The following RGMA variants were observed in gnomAD, a reference collection of about 807,000 sequenced individuals.
RGMA encodes repulsive guidance molecule A.
RGMA carries 10 observed loss-of-function variants against 23.2 expected under a neutral mutation model. The ratio of observed to expected loss-of-function variants is 0.43; its 90% CI spans 0.27 to 0.73. RGMA has a LOEUF of 0.73. Among genes scored for constraint, RGMA ranks in the 30% least tolerant of loss-of-function variants. The pLI is 0.20. For synonymous variants in RGMA, 308 were observed against 279.3 expected, an observed-to-expected ratio of 1.10 and a Z score of -1.03; for missense variants, 547 against 630.5, an observed-to-expected ratio of 0.87 and a Z score of 1.42.
intron 2 of RGMA, among the ~76,000 whole-genome samples, chr15:93,053,599 C>T (rs2054963886): frequency 6.6e-6 from 1 of 152,328 alleles, no homozygotes. Context: ...CACATAAAAC[C>T]AAGAACAGAC....
chr15:93,053,640 G>A (rs1340923405), intron 2 of RGMA, among the ~76,000 whole-genome samples: 1 of 152,232 alleles, frequency 6.6e-6, no homozygotes, highest in Non-Finnish European at 1.5e-5. Flanking sequence ...GCGAGCACGA[G>A]TGCCTACCTA....
At chr15:93,086,281 C>A (rs939826575) in intron 1 of RGMA, among the ~76,000 whole-genome samples, 2 of 152,182 alleles carry the variant, frequency 1.3e-5, no homozygotes, top group African/African-American at 4.8e-5. Context: ...AGTGTCATTT[C>A]GTTTCACAGA....
chr15:93,066,076 CG>C, intron 2 of RGMA: 4 of 1,518,716 alleles, frequency 2.6e-6, no homozygotes, highest in Non-Finnish European at 2.7e-6. Context: ...TGAGGGAGGC[CG>C]GGGGATGAAT....
In RGMA at chr15:93,042,793, G is replaced by A. The variant is rs1361159496; in HGVS notation, c.*2205C>T. On this transcript the variant is annotated 3_prime_UTR_variant, in exon 4 of 4. Coordinates refer to ENST00000329082, the MANE Select transcript of RGMA (RefSeq NM_020211.3). ...CTGCCAATAAACCTGGTCCCACAGT[G>A]ACGTGGACAGCAGCCTCCTGCAGCA... 1 of 152,258 alleles carries A rather than the reference G, an allele frequency of 6.6e-6. No homozygotes were observed. The highest frequency in any genetic ancestry group is 1.5e-5 in the Non-Finnish European group (1 of 68,084). 9.4% of individuals were successfully genotyped at this position (152,258 alleles called of 1,614,324 possible). A position where few individuals can be genotyped will look rare whatever the true frequency, so the allele number is the denominator to read the frequency against.
rs1176353050 is a variant in RGMA, at chr15:93,061,102, T to TCAGAAGA, written c.131-8596_131-8595insTCTTCTG. Among the ~76,000 whole-genome samples, 31 of 152,336 alleles carry TCAGAAGA rather than the reference T, an allele frequency of 2.0e-4. No individual in the cohort carries two copies. In the East Asian group the frequency reaches 6.0e-3, roughly 29 times the overall value. On this transcript the variant is annotated intron_variant, in intron 2 of 3. Coordinates refer to ENST00000329082, the MANE Select transcript of RGMA (RefSeq NM_020211.3). Reference sequence around the variant, plus strand: ...CACTTGCATGTCAGTCTTCTGAGGGTTGGGGACCCCCATCTTCGTCCTGGC... The same window carrying TCAGAAGA: ...CACTTGCATGTCAGTCTTCTGAGGGTCAGAAGATGGGGACCCCCATCTTCGTCCTGGC...
intron 3 of RGMA, among the ~76,000 whole-genome samples, chr15:93,046,718 A>C (rs1195088411): frequency 6.6e-6 from 1 of 152,184 alleles, no homozygotes. Flanking sequence ...GGGGTCCCCA[A>C]GCTGGGTCAT....
intron 2 of RGMA, among the ~76,000 whole-genome samples, chr15:93,053,830 A>AC (rs2054968184): frequency 6.6e-6 from 1 of 152,030 alleles, no homozygotes; most frequent in Non-Finnish European, 1.5e-5. Context: ...CCTTCACGTG[A>AC]CCCGTTTGCC....
At chr15:93,079,825 A>G (rs1055937942) in intron 1 of RGMA, among the ~76,000 whole-genome samples, 3 of 152,156 alleles carry the variant, frequency 2.0e-5, no homozygotes, top group African/African-American at 7.2e-5. Context: ...CTCAAAAAAA[A>G]AAGGACGCTT....
At chr15:93,047,583 C>T (rs1346924327) in intron 3 of RGMA, among the ~76,000 whole-genome samples, 2 of 152,116 alleles carry the variant, frequency 1.3e-5, no homozygotes, top group East Asian at 3.9e-4. Context: ...CATCCCTCCC[C>T]ACCCAGGAGA....
intron 2 of RGMA, among the ~76,000 whole-genome samples, chr15:93,069,106 ATTT>A (rs5814563): frequency 6.6e-6 from 1 of 151,670 alleles, no homozygotes; most frequent in South Asian, 2.1e-4. Flanking sequence ...CTGCTGATGC[ATTT>A]TTTTTTTGTT....
At chr15:93,075,679 A>G (rs1895461795) in intron 1 of RGMA, among the ~76,000 whole-genome samples, 1 of 152,146 alleles carries the variant, frequency 6.6e-6, no homozygotes, top group Non-Finnish European at 1.5e-5. Flanking sequence ...CCAAGACTAC[A>G]ACTGAATAGA....
intron 2 of RGMA, among the ~76,000 whole-genome samples, chr15:93,057,945 A>G (rs1309121746): frequency 6.6e-6 from 1 of 152,088 alleles, no homozygotes; most frequent in Non-Finnish European, 1.5e-5. Flanking sequence ...TGTTCCTGAC[A>G]GAGAGCACTC....
chr15:93,081,789 C>T (rs548377035), intron 1 of RGMA, among the ~76,000 whole-genome samples: 1 of 152,214 alleles, frequency 6.6e-6, no homozygotes, highest in African/African-American at 2.4e-5. Context: ...TTTAGAATGG[C>T]TAAGCAAAGC....
At chr15:93,065,625 G>A (rs1348560071) in intron 2 of RGMA, 14 of 860,016 alleles carry the variant, frequency 1.6e-5, no homozygotes, top group Non-Finnish European at 2.3e-5. Context: ...CTGTTGATAG[G>A]GGCTGAGGTC....
chr15:93,058,347 A>C (rs1426372633), intron 2 of RGMA, among the ~76,000 whole-genome samples: 3 of 152,178 alleles, frequency 2.0e-5, no homozygotes, highest in Non-Finnish European at 4.4e-5. Context: ...ACTGTGGGCA[A>C]ATTCACTGAC....
chr15:93,065,988 G>T, intron 2 of RGMA: 3 of 1,218,460 alleles, frequency 2.5e-6, no homozygotes, highest in Non-Finnish European at 1.2e-6. Flanking sequence ...GCTGCGCGGA[G>T]TCTTTGGCCC....
Position 93,076,564 on chromosome 15 carries a change from G to T in RGMA, c.15-3533C>A, listed in dbSNP as rs1329999894. On this transcript the variant is annotated intron_variant, in intron 1 of 3. Transcript: ENST00000329082. ...TAATAGAGAAAAATGAGTGCTAAAG[G>T]AGAGGTGAGGAGTGAATGACCTTTA... is the stretch of plus-strand genomic sequence containing the variant. 2.6e-5 allele frequency among the ~76,000 whole-genome samples: 4 copies of T among 152,188 alleles called. No individual in the cohort carries two copies. In the East Asian group the frequency reaches 7.7e-4, roughly 29 times the overall value.
chr15:93,063,233 C>T (rs970064440), intron 2 of RGMA, among the ~76,000 whole-genome samples: 2 of 152,252 alleles, frequency 1.3e-5, no homozygotes, highest in African/African-American at 4.8e-5. Context: ...TCACTGTCCA[C>T]CTAGCCTGAG....
In RGMA at chr15:93,045,441, C is replaced by G; in HGVS notation, c.910G>C (p.Val304Leu). ...VRMPEEVVNA[V>L]EDWDSQGLYL... ...AGACCCTGGCTGTCCCAGTCCTCCACAGCATTGACCACTTCCTCTGGCATG... is the reference window on the plus strand; with the variant it reads ...AGACCCTGGCTGTCCCAGTCCTCCAGAGCATTGACCACTTCCTCTGGCATG... Residue 304 changes from valine to leucine, a missense_variant, in exon 4 of 4, where the codon GTG (valine) becomes CTG (leucine). This residue lies in a region of RGMA where 205 missense variants were observed against 204.1 expected (regional missense o/e 1.00). Coordinates refer to ENST00000329082, the MANE Select transcript of RGMA (RefSeq NM_020211.3). This position sits in a 1 kb window ranked among gnomAD's most constrained non-coding sequence, Gnocchi z 6.9. 6.2e-7 allele frequency: 1 copy of G among 1,613,174 alleles called. No homozygotes were observed. The highest frequency in any genetic ancestry group is 8.5e-7 in the Non-Finnish European group (1 of 1,179,762).
Sources: gnomAD v4.1 joint callset for allele counts (sites outside exome capture counted in the v4.1 genomes callset) on GRCh38, gnomAD v4.1.1 for gene constraint, gnomAD v4.1.1 regional missense constraint, Gnocchi (gnomAD v3.1) non-coding constraint, MANE v1.5 for transcripts, NCBI Gene and HGNC (gene_info 2026-07-23, HGNC 2026-07-21) for gene names.